TMEM132B: variants seen among roughly 807,000 people sequenced by gnomAD.
The protein encoded by TMEM132B is transmembrane protein 132B.
In TMEM132B, 18 loss-of-function variants were observed where a neutral mutation model predicts 90.8. The ratio of observed to expected loss-of-function variants is 0.20; its 90% CI spans 0.14 to 0.29. The LOEUF is 0.29. TMEM132B is among the 10% of genes least tolerant of loss of function. The pLI is 1.00. For synonymous variants in TMEM132B, 504 were observed against 523.3 expected, an observed-to-expected ratio of 0.96 and a Z score of 0.50; for missense variants, 1,096 against 1,326.8, an observed-to-expected ratio of 0.83 and a Z score of 2.70.
intron 1 of TMEM132B, among the ~76,000 whole-genome samples, chr12:125,345,669 C>G (rs982888042): frequency 6.6e-6 from 1 of 152,128 alleles, no homozygotes; most frequent in South Asian, 2.1e-4. Flanking sequence ...TCTGGTGCAC[C>G]TTGTGTTCTC....
chr12:125,319,319 A>G (rs1163451446), intron 1 of TMEM132B, among the ~76,000 whole-genome samples: 1 of 152,210 alleles, frequency 6.6e-6, no homozygotes. Context: ...CCATCCACAC[A>G]GTGAGAGGGA....
chr12:125,598,369 C>A (rs1885492718), intron 5 of TMEM132B, among the ~76,000 whole-genome samples: 1 of 152,128 alleles, frequency 6.6e-6, no homozygotes, highest in Non-Finnish European at 1.5e-5. Context: ...TTAACCTGCC[C>A]CAATCCACAA....
chr12:125,453,131 A>AT (rs1881203277), intron 3 of TMEM132B, among the ~76,000 whole-genome samples: 1 of 151,760 alleles, frequency 6.6e-6, no homozygotes, highest in Non-Finnish European at 1.5e-5. Flanking sequence ...CAACACTTAA[A>AT]TTTTTTTAAT....
intron 3 of TMEM132B, among the ~76,000 whole-genome samples, chr12:125,455,291 T>C (rs915282433): frequency 5.3e-5 from 8 of 152,110 alleles, no homozygotes; most frequent in Non-Finnish European, 1.0e-4. Context: ...AATGCTATCT[T>C]GGGAACCGAG....
At chr12:125,231,734 C>T (rs1282137561) in intron 1 of TMEM132B, among the ~76,000 whole-genome samples, 1 of 151,812 alleles carries the variant, frequency 6.6e-6, no homozygotes, top group Admixed American at 6.6e-5. Context: ...AGTTTGAAAG[C>T]AATTGCTTAT....
At chr12:125,475,088 G>A (rs1411344111) in intron 3 of TMEM132B, among the ~76,000 whole-genome samples, 1 of 152,126 alleles carries the variant, frequency 6.6e-6, no homozygotes, top group Non-Finnish European at 1.5e-5. Flanking sequence ...AGAAGGGGGA[G>A]GTGGATTACA....
chr12:125,413,261 A>G (rs1021131803), intron 2 of TMEM132B, among the ~76,000 whole-genome samples: 4 of 151,440 alleles, frequency 2.6e-5, no homozygotes, highest in South Asian at 2.1e-4. Context: ...GATACATTCT[A>G]TTTTTTTAAA....
intron 5 of TMEM132B, among the ~76,000 whole-genome samples, chr12:125,628,405 TG>T (rs1886284000): frequency 6.6e-6 from 1 of 152,210 alleles, no homozygotes; most frequent in Admixed American, 6.5e-5. Context: ...TCAGTGATGT[TG>T]AACACCTTTT....
intron 3 of TMEM132B, among the ~76,000 whole-genome samples, chr12:125,451,237 C>G (rs1225533292): frequency 6.6e-6 from 1 of 152,148 alleles, no homozygotes; most frequent in East Asian, 1.9e-4. Flanking sequence ...AAATTGATGA[C>G]TGTACTATGG....
chr12:125,360,696 C>T lies in TMEM132B; in HGVS notation c.959+10353C>T, dbSNP rs538070925. 5.3e-5 allele frequency among the ~76,000 whole-genome samples: 8 copies of T among 151,990 alleles called. No homozygotes were observed. In the South Asian group the frequency reaches 6.3e-4, roughly 12 times the overall value. On this transcript the variant is annotated intron_variant, in intron 2 of 8. Coordinates refer to ENST00000682704, the MANE Select transcript of TMEM132B (RefSeq NM_001366854.1). ...AGGTTAAGGTCATTAGTGCAGTCCA[C>T]GGGGGTAAATCAGGGCAGGCCTCCT...
intron 5 of TMEM132B, among the ~76,000 whole-genome samples, chr12:125,610,258 C>G (rs1005928538): frequency 1.3e-5 from 2 of 152,040 alleles, no homozygotes; most frequent in Non-Finnish European, 2.9e-5. Context: ...TTGGCTAGAA[C>G]TTCCTGTACA....
intron 3 of TMEM132B, among the ~76,000 whole-genome samples, chr12:125,515,970 ACAC>A (rs770964914): frequency 9.6e-6 from 1 of 104,562 alleles, no homozygotes; most frequent in African/African-American, 5.4e-5. Context: ...TCTTGTGCCG[ACAC>A]ACACACATGC....
At chr12:125,449,744 A>T (rs1881100807) in intron 3 of TMEM132B, among the ~76,000 whole-genome samples, 1 of 152,072 alleles carries the variant, frequency 6.6e-6, no homozygotes, top group Admixed American at 6.6e-5. Flanking sequence ...GAAGTCAAAG[A>T]TTAAAGTATC....
chr12:125,346,258 TAAAG>T (rs1436605024), intron 1 of TMEM132B, among the ~76,000 whole-genome samples: 9 of 152,224 alleles, frequency 5.9e-5, no homozygotes, highest in Admixed American at 2.6e-4. Flanking sequence ...TCTTAAAAGA[TAAAG>T]AAAACAATAA....
chr12:125,435,599 T>C (rs1880676971), intron 3 of TMEM132B, among the ~76,000 whole-genome samples: 1 of 152,176 alleles, frequency 6.6e-6, no homozygotes, highest in African/African-American at 2.4e-5. Flanking sequence ...CTGAACAAAA[T>C]GGTCAATGTC....
intron 1 of TMEM132B, among the ~76,000 whole-genome samples, chr12:125,211,481 G>A (rs1339415295): frequency 6.6e-6 from 1 of 152,190 alleles, no homozygotes; most frequent in East Asian, 1.9e-4. Context: ...GAGCGAGGCT[G>A]CTCCGAGCAG....
chr12:125,645,217 CAAAAAAAAAAA>C (rs57035989), intron 6 of TMEM132B, among the ~76,000 whole-genome samples: 1 of 73,574 alleles, frequency 1.4e-5, no homozygotes, highest in African/African-American at 5.4e-5. Context: ...GACTCCGTCT[CAAAAAAAAAAA>C]AAAAAAAAAA....
intron 1 of TMEM132B, among the ~76,000 whole-genome samples, chr12:125,305,913 G>A (rs935105302): frequency 3.3e-5 from 5 of 152,210 alleles, no homozygotes; most frequent in South Asian, 2.1e-4. Flanking sequence ...TTTTGTCTGC[G>A]AGATCCTTGT....
chr12:125,273,564 G>A (rs1418902124), intron 1 of TMEM132B, among the ~76,000 whole-genome samples: 5 of 152,202 alleles, frequency 3.3e-5, no homozygotes, highest in Non-Finnish European at 5.9e-5. Flanking sequence ...CACAGCCTTG[G>A]TGACAGAGTG....
Sources: gnomAD v4.1 joint callset for allele counts (sites outside exome capture counted in the v4.1 genomes callset) on GRCh38, gnomAD v4.1.1 for gene constraint, MANE v1.5 for transcripts, NCBI Gene and HGNC (gene_info 2026-07-23, HGNC 2026-07-21) for gene names.